The following C1QTNF3 variants were observed in gnomAD, a reference collection of about 807,000 sequenced individuals.
C1QTNF3 encodes C1q and TNF related 3.
C1QTNF3 carries 26 observed loss-of-function variants against 32.6 expected under a neutral mutation model. That is an observed-to-expected ratio of 0.80 (90% CI 0.58 to 1.11). C1QTNF3 has a LOEUF of 1.11. Ranked by LOEUF, C1QTNF3 falls within the 50% of genes least tolerant of loss-of-function variation. The pLI, the probability that C1QTNF3 is intolerant of heterozygous loss-of-function variation, is 0.00. For synonymous variants in C1QTNF3, 155 were observed against 146.0 expected, an observed-to-expected ratio of 1.06 and a Z score of -0.44; for missense variants, 362 against 398.2, an observed-to-expected ratio of 0.91 and a Z score of 0.77.
At chr5:34,236,881 A>G in the C1QTNF3 span, among the ~76,000 whole-genome samples, 1 of 151,996 alleles carries the variant, frequency 6.6e-6, no homozygotes, top group Admixed American at 6.6e-5. Context: ...CAGCCAGTTA[A>G]TTTTTCTATT....
the C1QTNF3 span, among the ~76,000 whole-genome samples, chr5:34,052,450 T>C: frequency 6.6e-6 from 1 of 152,226 alleles, no homozygotes; most frequent in Non-Finnish European, 1.5e-5. Context: ...AGCCATATGA[T>C]AGATGGCAAT....
the C1QTNF3 span, among the ~76,000 whole-genome samples, chr5:34,221,077 A>G: frequency 2.0e-5 from 3 of 152,070 alleles, no homozygotes; most frequent in Non-Finnish European, 4.4e-5. Context: ...TTGAAGAGCG[A>G]TCTGTGTCCA....
the C1QTNF3 span, among the ~76,000 whole-genome samples, chr5:34,111,131 A>G: frequency 0.034 from 5,109 of 152,292 alleles, 282 homozygotes; most frequent in African/African-American, 0.12. Flanking sequence ...ACTTATTTGG[A>G]AAGCAACATA....
the C1QTNF3 span, among the ~76,000 whole-genome samples, chr5:34,091,183 G>C: frequency 6.6e-6 from 1 of 152,154 alleles, no homozygotes; most frequent in Admixed American, 6.5e-5. Flanking sequence ...CACATTGAGC[G>C]TTACAAGCAG....
the C1QTNF3 span, among the ~76,000 whole-genome samples, chr5:34,103,138 A>T: frequency 6.6e-6 from 1 of 152,176 alleles, no homozygotes; most frequent in Non-Finnish European, 1.5e-5. Context: ...GTGGCATGAA[A>T]CTCTAAAAAA....
chr5:34,237,243 G>C, the C1QTNF3 span, among the ~76,000 whole-genome samples: 1 of 152,028 alleles, frequency 6.6e-6, no homozygotes, highest in Admixed American at 6.6e-5. Flanking sequence ...GTAATTTTAC[G>C]GGTAAAATGA....
the C1QTNF3 span, among the ~76,000 whole-genome samples, chr5:34,178,675 T>C: frequency 6.6e-6 from 1 of 152,308 alleles, no homozygotes; most frequent in East Asian, 1.9e-4. Context: ...CCAGCCTCCT[T>C]GGATTCAGAA....
the C1QTNF3 span, among the ~76,000 whole-genome samples, chr5:34,132,803 T>C: frequency 6.6e-6 from 1 of 152,184 alleles, no homozygotes; most frequent in Non-Finnish European, 1.5e-5. Flanking sequence ...TCCCTGGATA[T>C]GGGCTCTGTA....
intron 3 of C1QTNF3, among the ~76,000 whole-genome samples, chr5:34,029,339 T>C (rs1287478682): frequency 1.3e-5 from 2 of 151,938 alleles, no homozygotes; most frequent in African/African-American, 4.8e-5. Context: ...GAGGTCTCAC[T>C]ATGTTGCCTA....
chr5:34,174,136 C>T, the C1QTNF3 span, among the ~76,000 whole-genome samples: 1 of 152,242 alleles, frequency 6.6e-6, no homozygotes, highest in Non-Finnish European at 1.5e-5. Flanking sequence ...CAGCTCACTG[C>T]AGCCTCCGCC....
the C1QTNF3 span, among the ~76,000 whole-genome samples, chr5:34,141,211 C>A: frequency 2.6e-5 from 4 of 152,158 alleles, 1 homozygote; most frequent in Admixed American, 2.6e-4. Context: ...CTTCGCCTCC[C>A]AGGTTTAAGT....
chr5:34,033,483 T>C (rs368528853), intron 2 of C1QTNF3, 25 bp from the exon 3 acceptor site: 113 of 1,613,860 alleles, frequency 7.0e-5, no homozygotes, highest in Non-Finnish European at 8.8e-5. Flanking sequence ...CATCATCACA[T>C]GAGAAAACCC....
the C1QTNF3 span, among the ~76,000 whole-genome samples, chr5:34,162,205 A>G: frequency 6.6e-6 from 1 of 152,186 alleles, no homozygotes; most frequent in Non-Finnish European, 1.5e-5. Flanking sequence ...GGAAATTCAA[A>G]TGCATAGCAA....
the C1QTNF3 span, among the ~76,000 whole-genome samples, chr5:34,107,942 T>C: frequency 1.3e-5 from 2 of 151,976 alleles, no homozygotes; most frequent in Non-Finnish European, 2.9e-5. Flanking sequence ...CTAGCTGGTC[T>C]ACACTCCTAC....
chr5:34,174,857 GC>G, the C1QTNF3 span, among the ~76,000 whole-genome samples: 1 of 151,898 alleles, frequency 6.6e-6, no homozygotes, highest in African/African-American at 2.4e-5. Context: ...TCCTGCCTCA[GC>G]CTCCCGAGCA....
chr5:34,117,835 G>A, the C1QTNF3 span, among the ~76,000 whole-genome samples: 2 of 151,584 alleles, frequency 1.3e-5, no homozygotes, highest in Non-Finnish European at 2.9e-5. Flanking sequence ...AGTATGCTTT[G>A]TTTCCATCCC....
At chr5:34,141,472 A>G in the C1QTNF3 span, among the ~76,000 whole-genome samples, 4 of 151,656 alleles carry the variant, frequency 2.6e-5, no homozygotes, top group Admixed American at 2.6e-4. Context: ...TGCTTTTCCC[A>G]TTGTTTCTAG....
intron 2 of C1QTNF3, 104 bp from the exon 3 acceptor site, chr5:34,033,562 G>T: frequency 7.1e-7 from 1 of 1,417,334 alleles, no homozygotes; most frequent in Non-Finnish European, 9.9e-7. Flanking sequence ...GGACCATTCA[G>T]AATAATCCCA....
the C1QTNF3 span, among the ~76,000 whole-genome samples, chr5:34,118,861 T>C: frequency 1.3e-5 from 2 of 152,106 alleles, no homozygotes; most frequent in Admixed American, 6.5e-5. Flanking sequence ...TCATTAAATA[T>C]TGCTTCTTTT....
Sources: allele counts gnomAD v4.1 joint callset (sites outside exome capture counted in the v4.1 genomes callset), GRCh38; gene constraint gnomAD v4.1.1; transcripts MANE v1.5; gene names NCBI Gene and HGNC (gene_info 2026-07-23, HGNC 2026-07-21).